The following ATL1 variants were observed in gnomAD, a reference collection of about 807,000 sequenced individuals.
ATL1 encodes atlastin GTPase 1.
Under a neutral mutation model 75.5 loss-of-function variants are expected in ATL1, and 31 were observed. The observed-to-expected ratio is 0.41, with a 90% CI of 0.31 to 0.55. The LOEUF is 0.55. Among genes scored for constraint, ATL1 ranks in the 20% least tolerant of loss-of-function variants. The pLI, the probability that ATL1 is intolerant of heterozygous loss-of-function variation, is 0.27. For missense variants in ATL1, 405 were observed against 662.6 expected (o/e 0.61, Z 4.27); for synonymous variants, 226 against 233.3 (o/e 0.97, Z 0.28).
chr14:50,583,859 G>A lies in ATL1; in HGVS notation c.35-3972G>A, dbSNP rs183088524. ...AAATTGATGAATGGATCAGAACTGA[G>A]AGCTCAGAAATGAGTCAGTGTGTAT... On this transcript the variant is annotated intron_variant, in intron 1 of 13. Transcript: ENST00000358385. 1.5e-3 allele frequency among the ~76,000 whole-genome samples: 231 copies of A among 152,232 alleles called. 1 individual carries two copies. The highest frequency in any genetic ancestry group is 5.1e-3 in the African/African-American group (210 of 41,538).
chr14:50,561,821 A>C (rs2038848910), intron 1 of ATL1, among the ~76,000 whole-genome samples: 1 of 152,122 alleles, frequency 6.6e-6, no homozygotes, highest in Admixed American at 6.5e-5. Flanking sequence ...TTAAGTAAGC[A>C]TTTGCAGTGT....
intron 1 of ATL1, among the ~76,000 whole-genome samples, chr14:50,584,694 A>G (rs952129985): frequency 1.1e-4 from 16 of 151,900 alleles, no homozygotes; most frequent in African/African-American, 3.9e-4. Context: ...GGGCGACAGA[A>G]CGAGACTCTG....
chr14:50,545,355 GCTTTT>G (rs1250059359), intron 1 of ATL1, among the ~76,000 whole-genome samples: 1 of 152,114 alleles, frequency 6.6e-6, no homozygotes, highest in African/African-American at 2.4e-5. Context: ...AAAATCCTGG[GCTTTT>G]CTTATAACAA....
chr14:50,596,628 C>T (rs1157989697), intron 6 of ATL1, among the ~76,000 whole-genome samples: 2 of 152,150 alleles, frequency 1.3e-5, no homozygotes, highest in African/African-American at 4.8e-5. Flanking sequence ...TCATACTGAC[C>T]TCATTCTGTC....
intron 1 of ATL1, among the ~76,000 whole-genome samples, chr14:50,543,100 T>C (rs942899835): frequency 3.3e-5 from 5 of 152,212 alleles, no homozygotes; most frequent in African/African-American, 4.8e-5. Flanking sequence ...AGATCTGTTC[T>C]CCAGGTGTCA....
At chr14:50,631,670 G>A (rs903870843) in intron 13 of ATL1, among the ~76,000 whole-genome samples, 1 of 152,120 alleles carries the variant, frequency 6.6e-6, no homozygotes, top group Non-Finnish European at 1.5e-5. Context: ...TTTTGAATAA[G>A]GTTTGTAAGA....
At chr14:50,546,379 TGC>T (rs1429648044) in intron 1 of ATL1, among the ~76,000 whole-genome samples, 11 of 151,994 alleles carry the variant, frequency 7.2e-5, no homozygotes, top group African/African-American at 2.4e-4. Flanking sequence ...TGTGTGTGTG[TGC>T]GTGTGTGTGT....
intron 6 of ATL1, among the ~76,000 whole-genome samples, chr14:50,606,793 G>T (rs913776218): frequency 1.3e-5 from 2 of 151,994 alleles, no homozygotes; most frequent in African/African-American, 4.8e-5. Flanking sequence ...CGTGAGACAA[G>T]ACTTTGTACA....
intron 6 of ATL1, among the ~76,000 whole-genome samples, chr14:50,602,941 A>G (rs762946372): frequency 2.0e-5 from 3 of 152,074 alleles, no homozygotes; most frequent in African/African-American, 7.2e-5. Flanking sequence ...TGCACTCTCT[A>G]TGTCATTCTC....
chr14:50,626,418 G>A (rs543754641), intron 11 of ATL1, among the ~76,000 whole-genome samples: 4 of 152,320 alleles, frequency 2.6e-5, no homozygotes, highest in African/African-American at 9.6e-5. Context: ...CAAGACTTCA[G>A]TGGAGGAAGG....
chr14:50,549,094 C>A (rs1018836742), intron 1 of ATL1, among the ~76,000 whole-genome samples: 1 of 152,028 alleles, frequency 6.6e-6, no homozygotes, highest in Non-Finnish European at 1.5e-5. Context: ...GTGCTTGGAC[C>A]CATTCACTTT....
chr14:50,581,560 T>C (rs2039055094), intron 1 of ATL1, among the ~76,000 whole-genome samples: 1 of 152,210 alleles, frequency 6.6e-6, no homozygotes, highest in Non-Finnish European at 1.5e-5. Context: ...GTTTTCATTG[T>C]ACTTTCTTCT....
At chr14:50,629,876 C>A in intron 12 of ATL1, 119 bp from the exon 13 acceptor site, 1 of 547,848 alleles carries the variant, frequency 1.8e-6, no homozygotes, top group Non-Finnish European at 2.8e-6. Context: ...GAAAAATCTG[C>A]AGGAGTATCT....
chr14:50,562,361 AGTG>A (rs2038857727), intron 1 of ATL1, among the ~76,000 whole-genome samples: 1 of 152,094 alleles, frequency 6.6e-6, no homozygotes, highest in Non-Finnish European at 1.5e-5. Context: ...CTTCTTATGT[AGTG>A]GGAGTTTTTC....
intron 1 of ATL1, among the ~76,000 whole-genome samples, chr14:50,538,641 A>G (rs1020213394): frequency 3.3e-5 from 5 of 152,186 alleles, no homozygotes; most frequent in Non-Finnish European, 7.4e-5. Flanking sequence ...AGAAAAAGCT[A>G]CAATGCTTGG....
intron 1 of ATL1, among the ~76,000 whole-genome samples, chr14:50,581,590 G>C (rs1448663901): frequency 6.6e-6 from 1 of 152,012 alleles, no homozygotes; most frequent in East Asian, 1.9e-4. Flanking sequence ...AGGTTATTTA[G>C]ATTTATTGCT....
intron 6 of ATL1, among the ~76,000 whole-genome samples, chr14:50,601,687 T>C (rs2140215919): frequency 6.6e-6 from 1 of 152,340 alleles, no homozygotes; most frequent in East Asian, 1.9e-4. Context: ...TTAGTTATTT[T>C]CTCACCTGTT....
In ATL1 at chr14:50,615,654, C is replaced by T. The variant is rs188540946; in HGVS notation, c.862+1143C>T. On this transcript the variant is annotated intron_variant, in intron 8 of 13. Transcript: ENST00000358385. ...TGGATGACAGGCTCCTATAATTTCA[C>T]TGTCACACTTATGAATTCCAACCCA... is the stretch of plus-strand genomic sequence containing the variant. Among the ~76,000 whole-genome samples, 404 of 152,330 alleles carry T rather than the reference C, an allele frequency of 2.7e-3. 5 individuals carry two copies. Among genetic ancestry groups the T allele is most frequent in the Non-Finnish European group, 2.0e-3 (139 of 68,034 alleles).
chr14:50,599,681 TA>T (rs1351811073), intron 6 of ATL1, among the ~76,000 whole-genome samples: 2 of 152,132 alleles, frequency 1.3e-5, no homozygotes, highest in Admixed American at 1.3e-4. Flanking sequence ...AATAGAGTGT[TA>T]AAATTTGTAC....
Sources: gnomAD v4.1 joint callset for allele counts (sites outside exome capture counted in the v4.1 genomes callset) on GRCh38, gnomAD v4.1.1 for gene constraint, MANE v1.5 for transcripts, NCBI Gene and HGNC (gene_info 2026-07-23, HGNC 2026-07-21) for gene names.